The following CHCHD3 variants were observed in gnomAD, a reference collection of about 807,000 sequenced individuals.
CHCHD3 encodes the protein coiled-coil-helix-coiled-coil-helix domain containing 3, also known as MICOS complex subunit MIC19.
In CHCHD3, 20 loss-of-function variants were observed where a neutral mutation model predicts 38.2. The ratio of observed to expected loss-of-function variants is 0.52; its 90% confidence interval spans 0.37 to 0.76. CHCHD3 has a LOEUF of 0.76. CHCHD3 is among the 30% of genes least tolerant of loss of function. The pLI, the probability that CHCHD3 is intolerant of heterozygous loss-of-function variation, is 0.00. For synonymous variants in CHCHD3, 82 were observed against 100.0 expected, an observed-to-expected ratio of 0.82 and a Z score of 1.07; for missense variants, 245 against 279.2, an observed-to-expected ratio of 0.88 and a Z score of 0.87.
At position 132,796,474 on chromosome 7, in the gene CHCHD3, G is replaced by T; in HGVS notation, c.628C>A (p.Gln210Lys). ...GCATGATTGACACAGTGCATATACT[G>T]GGTGGCCAGAGCGGAGCATTTGAGG... Reference protein sequence around the residue: ...QTLKCSALATQYMHCVNHAKQ... With the variant: ...QTLKCSALATKYMHCVNHAKQ... The change falls in exon 7 of 8, where the codon CAG becomes AAG. Residue 210 changes from glutamine to lysine, a missense_variant. Coordinates refer to ENST00000262570, the MANE Select transcript of CHCHD3 (RefSeq NM_017812.4). 6.2e-7 allele frequency: 1 copy of T among 1,613,912 alleles called. No individual in the cohort carries two copies. The highest frequency in any genetic ancestry group is 8.5e-7 in the Non-Finnish European group (1 of 1,179,884).
At chr7:132,896,614 T>C (rs1395905582) in intron 4 of CHCHD3, among the ~76,000 whole-genome samples, 1 of 152,112 alleles carries the variant, frequency 6.6e-6, no homozygotes, top group Non-Finnish European at 1.5e-5. Flanking sequence ...GAATCAAAAC[T>C]CAAATGAATG....
chr7:132,819,436 C>T (rs1807287458), intron 6 of CHCHD3, among the ~76,000 whole-genome samples: 1 of 151,994 alleles, frequency 6.6e-6, no homozygotes, highest in Admixed American at 6.6e-5. Flanking sequence ...TGCCCCTAAC[C>T]TCTAGTCTTC....
At chr7:132,838,927 A>G (rs1214429279) in intron 5 of CHCHD3, among the ~76,000 whole-genome samples, 1 of 152,202 alleles carries the variant, frequency 6.6e-6, no homozygotes, top group Non-Finnish European at 1.5e-5. Context: ...GGTATGGCTC[A>G]TGCCTATAAT....
At chr7:132,892,245 G>A (rs573020307) in intron 4 of CHCHD3, among the ~76,000 whole-genome samples, 1 of 152,292 alleles carries the variant, frequency 6.6e-6, no homozygotes, top group South Asian at 2.1e-4. Flanking sequence ...ATAGTGATAT[G>A]GACAATGAAG....
intron 2 of CHCHD3, among the ~76,000 whole-genome samples, chr7:133,033,772 G>T (rs555398061): frequency 6.6e-6 from 1 of 151,960 alleles, no homozygotes. Flanking sequence ...CATTTTGCCC[G>T]GTCCACTTAT....
chr7:132,799,605 G>GA (rs1050828138), intron 6 of CHCHD3, among the ~76,000 whole-genome samples: 8 of 152,244 alleles, frequency 5.3e-5, no homozygotes, highest in African/African-American at 1.9e-4. Context: ...AGAGAAGGAT[G>GA]AAATATAGAT....
intron 4 of CHCHD3, among the ~76,000 whole-genome samples, chr7:132,924,960 G>C (rs1013035719): frequency 6.6e-6 from 1 of 152,080 alleles, no homozygotes. Context: ...CTGAACACTG[G>C]GGGTGAACCT....
At chr7:132,969,402 TC>T (rs1038952999) in intron 4 of CHCHD3, among the ~76,000 whole-genome samples, 2 of 152,172 alleles carry the variant, frequency 1.3e-5, no homozygotes, top group African/African-American at 4.8e-5. Context: ...TACCTAATGA[TC>T]TGACTAATGT....
chr7:133,018,875 C>CTCTTTT (rs769011540), intron 3 of CHCHD3, among the ~76,000 whole-genome samples: 38 of 70,168 alleles, frequency 5.4e-4, no homozygotes, highest in African/African-American at 2.2e-3. Flanking sequence ...CATGATTTCT[C>CTCTTTT]TTTTTTTTTT....
chr7:132,829,860 A>C (rs1024576691), intron 6 of CHCHD3, among the ~76,000 whole-genome samples: 2 of 151,952 alleles, frequency 1.3e-5, no homozygotes, highest in Admixed American at 1.3e-4. Context: ...CTTGGTGTAC[A>C]CTCCTGCTCC....
intron 7 of CHCHD3, among the ~76,000 whole-genome samples, chr7:132,790,964 T>C (rs1448506260): frequency 6.6e-6 from 1 of 152,158 alleles, no homozygotes; most frequent in East Asian, 1.9e-4. Context: ...AAAGATTCAT[T>C]CCTAGGGTTG....
intron 2 of CHCHD3, among the ~76,000 whole-genome samples, chr7:133,051,556 T>C (rs1001592356): frequency 1.3e-5 from 2 of 152,232 alleles, no homozygotes; most frequent in Non-Finnish European, 2.9e-5. Flanking sequence ...GCAATAGATT[T>C]GTTTAAACGT....
intron 3 of CHCHD3, among the ~76,000 whole-genome samples, chr7:133,013,745 T>C (rs992175665): frequency 7.2e-5 from 11 of 152,020 alleles, no homozygotes; most frequent in Non-Finnish European, 1.5e-4. Flanking sequence ...AAATGATAAA[T>C]AATCTAGGGT....
intron 4 of CHCHD3, among the ~76,000 whole-genome samples, chr7:132,955,932 C>T (rs898996031): frequency 2.0e-5 from 3 of 152,080 alleles, no homozygotes; most frequent in African/African-American, 7.2e-5. Flanking sequence ...GGGGATTTTC[C>T]GAAAACTGAC....
At position 133,035,755 on chromosome 7, in the gene CHCHD3, C is replaced by A. The variant is rs779567226; in HGVS notation, c.170-11128G>T. 6.2e-7 allele frequency: 1 copy of A among 1,613,308 alleles called. No individual in the cohort carries two copies. The highest frequency in any genetic ancestry group is 8.5e-7 in the Non-Finnish European group (1 of 1,179,382). On this transcript the variant is annotated intron_variant, in intron 2 of 7. Coordinates refer to ENST00000262570, the MANE Select transcript of CHCHD3 (RefSeq NM_017812.4). This position sits in a 1 kb window ranked among gnomAD's most constrained non-coding sequence, Gnocchi z 4.7. ...TCACCCTCAAATGCTGGGACCTTGCCGGCAGGAAATTTGCGAAGAAATTCA... is the reference window on the plus strand; with the variant it reads ...TCACCCTCAAATGCTGGGACCTTGCAGGCAGGAAATTTGCGAAGAAATTCA...
chr7:132,807,763 G>C (rs765293366), intron 6 of CHCHD3, among the ~76,000 whole-genome samples: 1 of 151,136 alleles, frequency 6.6e-6, no homozygotes, highest in Non-Finnish European at 1.5e-5. Context: ...GAGTTGGATA[G>C]GTGGCCAAAG....
chr7:132,941,369 C>T (rs1810762820), intron 4 of CHCHD3, among the ~76,000 whole-genome samples: 1 of 152,238 alleles, frequency 6.6e-6, no homozygotes, highest in East Asian at 1.9e-4. Flanking sequence ...CTACATGACA[C>T]TGAGGTGCTC....
In CHCHD3 at chr7:132,885,646, T is replaced by TA; in HGVS notation, c.453+15dup. ...GCAGATGTGGTAATAGAATCAATGA[T>TA]AAAAAATAGTCATACCCTCTCCTCC... On this transcript the variant is annotated intron_variant, in intron 5 of 7. Coordinates refer to ENST00000262570, the MANE Select transcript of CHCHD3 (RefSeq NM_017812.4). The TA allele has an allele frequency of 1.3e-6, 2 of 1,572,926 alleles. No individual in the cohort carries two copies. Among genetic ancestry groups the TA allele is most frequent in the Middle Eastern group, 2.0e-4 (1 of 4,996 alleles).
At chr7:132,946,199 C>A (rs569123757) in intron 4 of CHCHD3, among the ~76,000 whole-genome samples, 1 of 151,456 alleles carries the variant, frequency 6.6e-6, no homozygotes, top group African/African-American at 2.4e-5. Context: ...TGTATACACA[C>A]ACATATACAT....
Sources: gnomAD v4.1 joint callset for allele counts (sites outside exome capture counted in the v4.1 genomes callset) on GRCh38, gnomAD v4.1.1 for gene constraint, Gnocchi (gnomAD v3.1) non-coding constraint, MANE v1.5 for transcripts, NCBI Gene and HGNC (gene_info 2026-07-23, HGNC 2026-07-21) for gene names.